The following TNFAIP8 variants were observed in gnomAD, a reference collection of about 807,000 sequenced individuals.
TNFAIP8 encodes TNF alpha induced protein 8.
A neutral mutation model predicts 13.3 loss-of-function variants in TNFAIP8; 7 were observed. That is an observed-to-expected ratio of 0.52 (90% CI 0.30 to 0.99). The LOEUF (loss-of-function observed/expected upper bound fraction) is 0.99, where lower values mean the gene tolerates loss of function less well. TNFAIP8 is among the 50% of genes least tolerant of loss of function. The pLI is 0.07. For missense variants in TNFAIP8, 258 were observed against 236.9 expected, an observed-to-expected ratio of 1.09 and a Z score of -0.58; for synonymous variants, 94 against 87.6, an observed-to-expected ratio of 1.07 and a Z score of -0.41.
chr5:119,356,188 A>G (rs917711420), intron 1 of TNFAIP8, 67 bp downstream of exon 1: 9 of 1,435,720 alleles, frequency 6.3e-6, no homozygotes, highest in Non-Finnish European at 8.6e-6. Flanking sequence ...AGGCAGTGGT[A>G]GAAGAGGATG....
At chr5:119,354,370 T>G (rs1360657694), upstream of TNFAIP8, 1 of 152,252 alleles carries the variant, frequency 6.6e-6, no homozygotes, top group Non-Finnish European at 1.5e-5. Flanking sequence ...TCCTGCTCTT[T>G]CAGTGAAATT....
intron 1 of TNFAIP8, among the ~76,000 whole-genome samples, chr5:119,296,294 C>T (rs1432595433): frequency 2.0e-5 from 3 of 151,928 alleles, no homozygotes; most frequent in Non-Finnish European, 4.4e-5. Context: ...ATTTGAGTTA[C>T]GTCCCATCAA....
intron 1 of TNFAIP8, among the ~76,000 whole-genome samples, chr5:119,344,539 T>G (rs1438844125): frequency 6.6e-6 from 1 of 152,212 alleles, no homozygotes; most frequent in Non-Finnish European, 1.5e-5. Flanking sequence ...GTTGCCTTCA[T>G]GGGTGCAAGG....
intron 1 of TNFAIP8, among the ~76,000 whole-genome samples, chr5:119,301,534 A>T (rs965161088): frequency 6.6e-6 from 1 of 152,216 alleles, no homozygotes; most frequent in South Asian, 2.1e-4. Context: ...GCCATTATTT[A>T]TATGCCATAG....
chr5:119,373,491 T>G (rs1394928192), intron 1 of TNFAIP8, among the ~76,000 whole-genome samples: 1 of 151,840 alleles, frequency 6.6e-6, no homozygotes, highest in Non-Finnish European at 1.5e-5. Context: ...AGAGGAGGAG[T>G]ATGCAATGTG....
intron 1 of TNFAIP8, among the ~76,000 whole-genome samples, chr5:119,330,129 G>A (rs191159788): frequency 2.7e-4 from 41 of 152,234 alleles, no homozygotes; most frequent in Non-Finnish European, 1.0e-4. Context: ...GTTAGCATGG[G>A]CAGGATTCAG....
intron 1 of TNFAIP8, among the ~76,000 whole-genome samples, chr5:119,378,179 T>C (rs1752351797): frequency 1.3e-5 from 2 of 152,322 alleles, no homozygotes; most frequent in South Asian, 2.1e-4. Context: ...TTACAACTTC[T>C]GCAAGGCATC....
intron 1 of TNFAIP8, among the ~76,000 whole-genome samples, chr5:119,349,730 T>C (rs148191234): frequency 2.0e-5 from 3 of 152,248 alleles, no homozygotes. Flanking sequence ...ATTTAAAGCA[T>C]TGAATATCAG....
At chr5:119,334,353 A>G (rs1223088934) in intron 1 of TNFAIP8, among the ~76,000 whole-genome samples, 1 of 152,148 alleles carries the variant, frequency 6.6e-6, no homozygotes, top group Non-Finnish European at 1.5e-5. Context: ...TCAAGTTGAT[A>G]TATAATATTT....
At chr5:119,377,855 A>C (rs1185193444) in intron 1 of TNFAIP8, among the ~76,000 whole-genome samples, 1 of 152,204 alleles carries the variant, frequency 6.6e-6, no homozygotes, top group Non-Finnish European at 1.5e-5. Context: ...TGTTCCACTG[A>C]AATATAATCA....
rs192128078 is a variant in TNFAIP8, at chr5:119,396,037, C to T, written c.*2656C>T. On this transcript the variant is annotated 3_prime_UTR_variant, in exon 2 of 2. Transcript: ENST00000504771. ...GTCGGGCACATTAACTCATTTAATT[C>T]TGCCACAATCTTCACCATCTTATAG... is the stretch of plus-strand genomic sequence containing the variant. 12 of 152,254 alleles carry T rather than the reference C, an allele frequency of 7.9e-5. No individual in the cohort carries two copies. The highest frequency in any genetic ancestry group is 7.8e-4 in the Admixed American group (12 of 15,298). 9.4% of individuals were successfully genotyped at this position (152,254 alleles called of 1,614,324 possible). A position where few individuals can be genotyped will look rare whatever the true frequency, so the allele number is the denominator to read the frequency against.
intron 1 of TNFAIP8, among the ~76,000 whole-genome samples, chr5:119,313,309 G>A (rs1749790637): frequency 6.6e-6 from 1 of 152,192 alleles, no homozygotes; most frequent in East Asian, 1.9e-4. Flanking sequence ...GCTCAAAGGA[G>A]TTTTACAGAA....
chr5:119,360,193 G>T (rs1044285219), intron 1 of TNFAIP8, among the ~76,000 whole-genome samples: 1 of 152,188 alleles, frequency 6.6e-6, no homozygotes, highest in Non-Finnish European at 1.5e-5. Flanking sequence ...GCTCCTGACT[G>T]TTGGTGATCC....
At chr5:119,392,582 T>C (rs558614830) in intron 1 of TNFAIP8, among the ~76,000 whole-genome samples, 4 of 152,142 alleles carry the variant, frequency 2.6e-5, no homozygotes, top group Admixed American at 1.3e-4. Context: ...AAACTCCTGA[T>C]CTCAAGTGGT....
rs187093903 is a variant in TNFAIP8 at position 119,327,415 on chromosome 5, T to C, written c.1+58508T>C. On this transcript the variant is annotated intron_variant, in intron 1 of 1. Transcript: ENST00000274456. ...GAAAATACTCAAGACGTTATAATTC[T>C]GATTGCTCTCTAAATTGGAAAAGGT... Among the ~76,000 whole-genome samples the C allele has an allele frequency of 6.7e-4, 102 of 152,356 alleles. 1 individual carries two copies. Among genetic ancestry groups the C allele is most frequent in the African/African-American group, 2.4e-3 (100 of 41,578 alleles).
intron 1 of TNFAIP8, among the ~76,000 whole-genome samples, chr5:119,349,370 C>G (rs1247228904): frequency 2.6e-5 from 4 of 152,202 alleles, no homozygotes; most frequent in Non-Finnish European, 5.9e-5. Flanking sequence ...TATAACAACC[C>G]TGTTAAATAA....
chr5:119,351,517 C>T (rs996020943), upstream of TNFAIP8, among the ~76,000 whole-genome samples: 4 of 151,910 alleles, frequency 2.6e-5, no homozygotes, highest in Admixed American at 2.6e-4. Context: ...TGTAAGTGTT[C>T]CGAACACATT....
rs1389093483 is a variant in TNFAIP8, at chr5:119,356,065, C to T, written c.-26C>T. The T allele has an allele frequency of 6.4e-7, 1 of 1,571,940 alleles. No individual in the cohort carries two copies. The highest frequency in any genetic ancestry group is 2.4e-5 in the East Asian group (1 of 42,490). On this transcript the variant is annotated 5_prime_UTR_variant, in exon 1 of 2. Coordinates refer to ENST00000504771, the MANE Select transcript of TNFAIP8 (RefSeq NM_014350.4). ...TCCGAGTACATGTGAGCGGTAATCG[C>T]CCCTGCAGCTGGTTATCCTGACATT...
At position 119,396,392 on chromosome 5, in the gene TNFAIP8, G is replaced by A. The variant is rs899668700; in HGVS notation, c.*3011G>A. The A allele has an allele frequency of 3.9e-5, 6 of 152,302 alleles. No homozygotes were observed. Among genetic ancestry groups the A allele is most frequent in the East Asian group, 1.9e-4 (1 of 5,190 alleles). The allele number at this position is 152,302 out of a possible 1,614,324, so 9.4% of individuals were successfully genotyped here. A position where few individuals can be genotyped will look rare whatever the true frequency, so the allele number is the denominator to read the frequency against. On this transcript the variant is annotated 3_prime_UTR_variant, in exon 2 of 2. Transcript: ENST00000504771. Reference sequence around the variant, plus strand: ...TTGTGGCTCAGTTTTCTGTCTCGTGGAACTTCACTTCTAGGTGCTCACAAT... The same window carrying A: ...TTGTGGCTCAGTTTTCTGTCTCGTGAAACTTCACTTCTAGGTGCTCACAAT...
Sources: gnomAD v4.1 joint callset for allele counts (sites outside exome capture counted in the v4.1 genomes callset) on GRCh38, gnomAD v4.1.1 for gene constraint, MANE v1.5 for transcripts, NCBI Gene and HGNC (gene_info 2026-07-23, HGNC 2026-07-21) for gene names.